RBFOX1: variants seen among roughly 807,000 people sequenced by gnomAD.
RBFOX1 encodes RNA binding fox-1 homolog 1.
Under a neutral mutation model 57.7 loss-of-function variants are expected in RBFOX1, and 8 were observed. The ratio of observed to expected loss-of-function variants is 0.14; its 90% CI spans 0.08 to 0.25. RBFOX1 has a LOEUF of 0.25. Ranked by LOEUF, RBFOX1 falls within the 10% of genes least tolerant of loss-of-function variation. The pLI is 1.00. For synonymous variants in RBFOX1, 326 were observed against 222.4 expected (o/e 1.47, Z -4.15); for missense variants, 611 against 548.5 (o/e 1.11, Z -1.14).
intron 4 of RBFOX1, among the ~76,000 whole-genome samples, chr16:7,472,945 C>G (rs2061836434): frequency 6.6e-6 from 1 of 152,188 alleles, no homozygotes; most frequent in Non-Finnish European, 1.5e-5. Flanking sequence ...GAAAAACATA[C>G]AGGGATTTGG....
intron 1 of RBFOX1, among the ~76,000 whole-genome samples, chr16:6,218,211 G>A (rs1174850269): frequency 1.3e-5 from 2 of 152,248 alleles, no homozygotes; most frequent in East Asian, 3.9e-4. Context: ...CATTCTCCTT[G>A]AGTATGCCAG....
At chr16:5,384,077 A>G (rs924069988) in intron 1 of RBFOX1, among the ~76,000 whole-genome samples, 13 of 152,240 alleles carry the variant, frequency 8.5e-5, no homozygotes, top group African/African-American at 2.4e-4. Context: ...AAATGAGTCT[A>G]TGTGTCCAGG....
intron 2 of RBFOX1, among the ~76,000 whole-genome samples, chr16:6,442,064 A>G (rs2094394561): frequency 6.6e-6 from 1 of 152,168 alleles, no homozygotes. Context: ...CCAAGCCCTT[A>G]ACTCTCAGTA....
intron 5 of RBFOX1, among the ~76,000 whole-genome samples, chr16:7,525,909 G>A (rs1177938179): frequency 6.6e-6 from 1 of 152,120 alleles, no homozygotes. Flanking sequence ...TTAAAGTCCA[G>A]GCTGTTTCCC....
At chr16:5,648,501 C>G (rs2049121749) in intron 3 of RBFOX1, among the ~76,000 whole-genome samples, 1 of 152,018 alleles carries the variant, frequency 6.6e-6, no homozygotes, top group Non-Finnish European at 1.5e-5. Context: ...TGTCCAGTGA[C>G]ATTTTGCTTA....
At chr16:6,162,217 A>G (rs569826341) in intron 1 of RBFOX1, among the ~76,000 whole-genome samples, 1 of 152,104 alleles carries the variant, frequency 6.6e-6, no homozygotes, top group Non-Finnish European at 1.5e-5. Context: ...TTCCAGGTTC[A>G]AGCAATTCAC....
intron 1 of RBFOX1, among the ~76,000 whole-genome samples, chr16:6,153,033 G>GTT (rs59957159): frequency 0.03 from 3,820 of 128,004 alleles, 81 homozygotes; most frequent in Admixed American, 0.066. Flanking sequence ...GTTATTTTCT[G>GTT]TTTTTTTTTT....
intron 10 of RBFOX1, among the ~76,000 whole-genome samples, chr16:7,630,392 G>A (rs2060755593): frequency 1.3e-5 from 2 of 151,910 alleles, no homozygotes; most frequent in African/African-American, 2.4e-5. Flanking sequence ...AAGTCATGAC[G>A]TGTGCTTGGT....
intron 3 of RBFOX1, among the ~76,000 whole-genome samples, chr16:6,924,615 G>A (rs2075179844): frequency 6.6e-6 from 1 of 152,028 alleles, no homozygotes; most frequent in South Asian, 2.1e-4. Flanking sequence ...GCAAAATAAT[G>A]AGGTGCAAGT....
chr16:6,595,431 A>G (rs912925086), intron 2 of RBFOX1, among the ~76,000 whole-genome samples: 4 of 152,332 alleles, frequency 2.6e-5, no homozygotes, highest in African/African-American at 9.6e-5. Flanking sequence ...TTATATAAAT[A>G]TACGACGTTG....
chr16:6,732,641 T>G (rs981185379), intron 3 of RBFOX1, among the ~76,000 whole-genome samples: 1 of 152,224 alleles, frequency 6.6e-6, no homozygotes, highest in Non-Finnish European at 1.5e-5. Context: ...GACAGTGACA[T>G]TGGAGAGAAG....
At chr16:7,504,709 TTATATATATATATATATATA>T (rs1181491515) in intron 4 of RBFOX1, among the ~76,000 whole-genome samples, 5 of 74,556 alleles carry the variant, frequency 6.7e-5, no homozygotes, top group Admixed American at 5.1e-4. Context: ...TGAAGTGAGA[TTATATATATATATATATATA>T]TATATATATA....
chr16:6,491,601 G>C (rs2095634100), intron 2 of RBFOX1, among the ~76,000 whole-genome samples: 1 of 152,134 alleles, frequency 6.6e-6, no homozygotes, highest in South Asian at 2.1e-4. Flanking sequence ...AGTGTCTATT[G>C]AGTGCCTGCA....
chr16:5,711,211 T>G (rs572717634), intron 3 of RBFOX1, among the ~76,000 whole-genome samples: 1 of 152,366 alleles, frequency 6.6e-6, no homozygotes, highest in African/African-American at 2.4e-5. Flanking sequence ...TTCTAAATGC[T>G]TTCTAATAGT....
intron 1 of RBFOX1, among the ~76,000 whole-genome samples, chr16:5,411,554 G>A (rs11859714): frequency 0.036 from 5,525 of 152,270 alleles, 300 homozygotes; most frequent in African/African-American, 0.12. Flanking sequence ...GATGGCAAAC[G>A]TGTGTTGTTT....
chr16:7,710,482 C>CAAGAATGACCTGGGATGGGT (rs2083836914), intron 15 of RBFOX1, 141 bp from the exon 16 acceptor site: 1 of 1,526,154 alleles, frequency 6.6e-7, no homozygotes, highest in African/African-American at 1.4e-5. Context: ...TTTAGTTCTC[C>CAAGAATGACCTGGGATGGGT]AAGAATGACC....
intron 4 of RBFOX1, among the ~76,000 whole-genome samples, chr16:7,487,529 C>T (rs912740757): frequency 1.3e-5 from 2 of 152,156 alleles, no homozygotes; most frequent in African/African-American, 4.8e-5. Context: ...GATGAACATT[C>T]CTTAAAGTGG....
intron 2 of RBFOX1, among the ~76,000 whole-genome samples, chr16:6,518,599 C>A (rs528803454): frequency 6.6e-6 from 1 of 152,110 alleles, no homozygotes; most frequent in Non-Finnish European, 1.5e-5. Flanking sequence ...AAATTCAGAC[C>A]ACTTACTGCC....
chr16:7,684,624 G>GA (rs35099150), intron 14 of RBFOX1, among the ~76,000 whole-genome samples: 3,264 of 148,864 alleles, frequency 0.022, 100 homozygotes, highest in East Asian at 0.11. Flanking sequence ...GGAATTTAAA[G>GA]AAAAAAAAAA....
Sources: gnomAD v4.1 joint callset for allele counts (sites outside exome capture counted in the v4.1 genomes callset) on GRCh38, gnomAD v4.1.1 for gene constraint, MANE v1.5 for transcripts, NCBI Gene and HGNC (gene_info 2026-07-23, HGNC 2026-07-21) for gene names.